The following ADAR variants were observed in gnomAD, a reference collection of about 807,000 sequenced individuals.
ADAR encodes the protein double-stranded RNA-specific adenosine deaminase.
ADAR carries 41 observed loss-of-function variants against 113.2 expected under a neutral mutation model. The ratio of observed to expected loss-of-function variants is 0.36; its 90% CI spans 0.28 to 0.47. ADAR has a LOEUF of 0.47. Ranked by LOEUF, ADAR falls within the 20% of genes least tolerant of loss-of-function variation. ADAR has a pLI of 1.00. For synonymous variants in ADAR, 605 were observed against 572.6 expected (o/e 1.06, Z -0.81); for missense variants, 1,242 against 1,540.9 (o/e 0.81, Z 3.25).
At chr1:154,627,782 G>C (rs755222697) in intron 1 of ADAR, 20 of 506,014 alleles carry the variant, frequency 4.0e-5, no homozygotes, top group Admixed American at 1.0e-4. Context: ...ATCAACGCCA[G>C]AGACTGGAGA....
upstream of ADAR, among the ~76,000 whole-genome samples, chr1:154,611,040 AAAAC>A (rs572495546): frequency 3.3e-4 from 50 of 152,306 alleles, no homozygotes; most frequent in African/African-American, 1.2e-3. Flanking sequence ...TTAAAAGGTA[AAAAC>A]AAACAAGAAC....
In ADAR at chr1:154,601,535, C is replaced by A; in HGVS notation, c.1107G>T (p.Thr369=). 1.9e-6 allele frequency: 3 copies of A among 1,613,322 alleles called. No homozygotes were observed. The South Asian group carries it at 3.3e-5, about 18-fold the overall frequency. Residue 369 remains threonine (T), a synonymous_variant, in exon 2 of 15, where the codon ACG becomes ACT. Coordinates refer to ENST00000368474, the MANE Select transcript of ADAR (RefSeq NM_001111.5). This position sits in a 1 kb window ranked among gnomAD's most constrained non-coding sequence, Gnocchi z 4.7. ...CTGGAGCGGTTTCAGGAACACTGTT[C>A]GTATTTCTCTTGATTTGCATCCTCT... ...KRERMQIKRN[T]NSVPETAPAA...
At position 154,601,320 on chromosome 1, in the gene ADAR, G is replaced by C; in HGVS notation, c.1322C>G (p.Pro441Arg). The change falls in exon 2 of 15, where the codon CCC (proline) becomes CGC (arginine). Residue 441 changes from proline (P) to arginine (R), a missense_variant. Around this residue, in one of 2 missense-constraint regions of ADAR, gnomAD observed 780 missense variants for 1,057.9 expected, o/e 0.74. Transcript: ENST00000368474. This position sits in a 1 kb window ranked among gnomAD's most constrained non-coding sequence, Gnocchi z 4.7. ...AAAGTCAACATACCCTGCTTTTGAG[G>C]GGCCATTGTAATGAACAGGTGGTTT... ...RLKPPVHYNG[P>R]SKAGYVDFEN... 6.2e-7 allele frequency: 1 copy of C among 1,614,204 alleles called. No individual in the cohort carries two copies. The highest frequency in any genetic ancestry group is 8.5e-7 in the Non-Finnish European group (1 of 1,180,036).
Position 154,606,947 on chromosome 1 carries a change from A to AAAAAAT in ADAR, c.15+1044_15+1045insATTTTT, listed in dbSNP as rs1553214982. 5.3e-3 allele frequency among the ~76,000 whole-genome samples: 789 copies of AAAAAAT among 148,500 alleles called. 3 individuals carry two copies. The highest frequency in any genetic ancestry group is 8.0e-3 in the Admixed American group (120 of 14,984). On this transcript the variant is annotated intron_variant, in intron 1 of 14. Transcript: ENST00000368474. ...TCAAAGGAGTGCTTAAAAAAAAAAA[A>AAAAAAT]ATATATATATATCTTAACAAAATTG...
rs1456341426 is a variant in ADAR, at chr1:154,601,600, T to C, written c.1042A>G (p.Thr348Ala). The C allele has an allele frequency of 8.7e-6, 14 of 1,612,796 alleles. No individual in the cohort carries two copies. Among genetic ancestry groups the C allele is most frequent in the Non-Finnish European group, 1.1e-5 (13 of 1,179,988 alleles). Reference protein sequence around the residue: ...ERQGDVYRQGTTPPIWHLTDK... With the variant: ...ERQGDVYRQGATPPIWHLTDK... ...GTCAAATGCCATATGGGAGGGGTTG[T>C]CCCTTGTCTATAGACATCCCCCTGC... Residue 348 changes from threonine (T) to alanine (A), a missense_variant, in exon 2 of 15, where the codon ACA (threonine) becomes GCA (alanine). By Grantham distance (58) the Thr-to-Ala change is moderately conservative (BLOSUM62 0). Transcript: ENST00000368474. The surrounding 1 kb of genome is among the most constrained non-coding windows in gnomAD (Gnocchi z 4.7).
At chr1:154,618,356 T>C (rs941761925) in intron 1 of ADAR, among the ~76,000 whole-genome samples, 1 of 152,080 alleles carries the variant, frequency 6.6e-6, no homozygotes, top group Non-Finnish European at 1.5e-5. Flanking sequence ...GAATACTAAT[T>C]AATATCAAAT....
intron 1 of ADAR, among the ~76,000 whole-genome samples, chr1:154,604,539 C>A (rs994003644): frequency 6.6e-6 from 1 of 152,210 alleles, no homozygotes; most frequent in Non-Finnish European, 1.5e-5. Context: ...TCATTTGGGT[C>A]TTCGCTGTGT....
intron 1 of ADAR, 98 bp from the exon 2 acceptor site, chr1:154,602,724 G>T: frequency 2.1e-6 from 3 of 1,451,934 alleles, no homozygotes; most frequent in Non-Finnish European, 2.8e-6. Flanking sequence ...AGCCCTTGAA[G>T]GGCTGAGAAG....
chr1:154,584,941 A>G lies in ADAR; in HGVS notation c.3546T>C (p.Tyr1182=). The G allele has an allele frequency of 6.2e-7, 1 of 1,614,158 alleles. No homozygotes were observed. Among genetic ancestry groups the G allele is most frequent in the Non-Finnish European group, 8.5e-7 (1 of 1,180,022 alleles). ...CACGGGCAGCTTTCTTGGCCTCACCATAGGAGAGTCTCAGTAGATCCCTGC... is the reference window on the plus strand; with the variant it reads ...CACGGGCAGCTTTCTTGGCCTCACCGTAGGAGAGTCTCAGTAGATCCCTGC... ...RYRRDLLRLS[Y]GEAKKAARDY... is the part of the protein sequence containing the mutation. Residue 1182 remains tyrosine (Y), a synonymous_variant, in exon 15 of 15, where the codon TAT becomes TAC. Coordinates refer to ENST00000368474, the MANE Select transcript of ADAR (RefSeq NM_001111.5).
chr1:154,598,889 C>T (rs1347795421), intron 2 of ADAR, among the ~76,000 whole-genome samples: 1 of 152,236 alleles, frequency 6.6e-6, no homozygotes, highest in African/African-American at 2.4e-5. Flanking sequence ...AAAACCCACA[C>T]ACACAAAAAT....
chr1:154,590,008 C>T, intron 7 of ADAR, 80 bp from the exon 8 acceptor site: 1 of 1,575,646 alleles, frequency 6.3e-7, no homozygotes, highest in Non-Finnish European at 8.7e-7. Flanking sequence ...GGAGATCAAG[C>T]TCTACTTGTC....
In ADAR at chr1:154,602,381, T is replaced by C. The variant is rs1287865106; in HGVS notation, c.261A>G (p.Gln87=). The C allele has an allele frequency of 3.1e-6, 5 of 1,602,816 alleles. No individual in the cohort carries two copies. Among genetic ancestry groups the C allele is most frequent in the East Asian group, 4.5e-5 (2 of 44,788 alleles). Residue 87 remains glutamine (Q), a synonymous_variant, in exon 2 of 15, where the codon CAA becomes CAG. Transcript: ENST00000368474. The part of the protein sequence containing the change: ...VLLASSTRGR[Q]VDIRGVPRGV... ...CCCTGGGGACACCCCTGATGTCCAC[T>C]TGCCTGCCTCTGGTACTGGAGGCAA...
chr1:154,585,205 CT>C lies in ADAR; in HGVS notation c.3443+11del. 1 of 1,614,156 alleles carries C rather than the reference CT, an allele frequency of 6.2e-7. No homozygotes were observed. The highest frequency in any genetic ancestry group is 8.5e-7 in the Non-Finnish European group (1 of 1,180,042). ...GAGGCTTGGTCCTCACTGCGCTCTCCTGTCTCCTTACCCATCCACAGTGCCT... is the reference window on the plus strand; with the variant it reads ...GAGGCTTGGTCCTCACTGCGCTCTCCGTCTCCTTACCCATCCACAGTGCCT... On this transcript the variant is annotated intron_variant, in intron 14 of 14. Coordinates refer to ENST00000368474, the MANE Select transcript of ADAR (RefSeq NM_001111.5).
chr1:154,592,180 C>G (rs1697191828), intron 6 of ADAR, among the ~76,000 whole-genome samples: 1 of 152,194 alleles, frequency 6.6e-6, no homozygotes. Flanking sequence ...GCTTCTCCCA[C>G]CACAGGATTT....
At chr1:154,610,246 C>A (rs1427560446), upstream of ADAR, among the ~76,000 whole-genome samples, 3 of 149,872 alleles carry the variant, frequency 2.0e-5, no homozygotes, top group Non-Finnish European at 3.0e-5. Context: ...TAATGGTAAA[C>A]CCCAAGAAGT....
intron 2 of ADAR, 98 bp from the exon 3 acceptor site, chr1:154,598,683 G>C: frequency 4.9e-6 from 6 of 1,236,190 alleles, no homozygotes; most frequent in Middle Eastern, 2.0e-4. Flanking sequence ...GCTACGCTAA[G>C]GGGCTTTTCA....
At chr1:154,587,303 T>C (rs918851854) in intron 11 of ADAR, among the ~76,000 whole-genome samples, 3 of 152,254 alleles carry the variant, frequency 2.0e-5, no homozygotes, top group East Asian at 1.9e-4. Context: ...TGCATCCATA[T>C]TGTAAGCATG....
chr1:154,605,225 T>A (rs1698115416), intron 1 of ADAR, among the ~76,000 whole-genome samples: 1 of 152,144 alleles, frequency 6.6e-6, no homozygotes, highest in Non-Finnish European at 1.5e-5. Flanking sequence ...ATAATCTTTC[T>A]ATCCCTCTAC....
chr1:154,621,353 A>G (rs1698788004), intron 1 of ADAR, among the ~76,000 whole-genome samples: 1 of 152,172 alleles, frequency 6.6e-6, no homozygotes, highest in Non-Finnish European at 1.5e-5. Context: ...AAAAGAAATC[A>G]AAAAGAATAA....
Sources: gnomAD v4.1 joint callset for allele counts (sites outside exome capture counted in the v4.1 genomes callset) on GRCh38, gnomAD v4.1.1 for gene constraint, gnomAD v4.1.1 regional missense constraint, Gnocchi (gnomAD v3.1) non-coding constraint, MANE v1.5 for transcripts, NCBI Gene and HGNC (gene_info 2026-07-23, HGNC 2026-07-21) for gene names.